KANK1: variants seen among roughly 807,000 people sequenced by gnomAD.
KANK1 encodes KN motif and ankyrin repeat domain-containing protein 1.
Under a neutral mutation model 106.2 loss-of-function variants are expected in KANK1, and 109 were observed. That is an observed-to-expected ratio of 1.03 (90% CI 0.88 to 1.20). The LOEUF (loss-of-function observed/expected upper bound fraction) is 1.20. KANK1 is among the 50% of genes most tolerant of loss of function. The probability of loss-of-function intolerance (pLI) is 0.00; values close to 1 mark genes in which losing one functional copy is unlikely to be tolerated. For missense variants in KANK1, 2,399 were observed against 1,710.7 expected (o/e 1.40, Z -7.10); for synonymous variants, 873 against 652.2 (o/e 1.34, Z -5.16).
intron 5 of KANK1, 26 bp from the exon 6 acceptor site, chr9:732,352 C>A (rs1832538006): frequency 6.3e-7 from 1 of 1,598,118 alleles, no homozygotes; most frequent in Non-Finnish European, 8.6e-7. Context: ...CACCTTGCAT[C>A]TCCTGAAATC....
intron 8 of KANK1, among the ~76,000 whole-genome samples, 167 bp downstream of exon 8, chr9:738,671 C>T (rs561035902): frequency 3.3e-5 from 5 of 152,292 alleles, no homozygotes; most frequent in African/African-American, 9.6e-5. Context: ...TCATAAGAGG[C>T]TTGAAGTTTA....
intron 1 of KANK1, among the ~76,000 whole-genome samples, chr9:516,841 T>C (rs1286176112): frequency 2.0e-5 from 3 of 151,666 alleles, no homozygotes; most frequent in African/African-American, 7.3e-5. Flanking sequence ...AGCAGCCCGC[T>C]GGGGGGTACC....
chr9:672,169 A>C (rs574045739), intron 1 of KANK1, among the ~76,000 whole-genome samples: 4 of 152,280 alleles, frequency 2.6e-5, no homozygotes, highest in Admixed American at 2.6e-4. Context: ...CTCAGCTTTA[A>C]ATGTCAGCAC....
chr9:479,850 C>G (rs2058172254), intron 3 of KANK1, among the ~76,000 whole-genome samples: 1 of 152,018 alleles, frequency 6.6e-6, no homozygotes, highest in Non-Finnish European at 1.5e-5. Flanking sequence ...ATTCTCCTGT[C>G]TCTACTTGCA....
intron 3 of KANK1, among the ~76,000 whole-genome samples, chr9:494,373 T>C (rs563961760): frequency 9.9e-5 from 15 of 152,216 alleles, no homozygotes; most frequent in Non-Finnish European, 2.1e-4. Context: ...ATTTCATGTA[T>C]ACCAATAGAG....
chr9:537,514 GC>G (rs2060362701), intron 1 of KANK1, among the ~76,000 whole-genome samples: 1 of 152,154 alleles, frequency 6.6e-6, no homozygotes, highest in Non-Finnish European at 1.5e-5. Flanking sequence ...ATTTGGGGGG[GC>G]TCTTTTTTTC....
At chr9:583,369 G>A (rs537259283) in intron 1 of KANK1, among the ~76,000 whole-genome samples, 15 of 152,278 alleles carry the variant, frequency 9.9e-5, no homozygotes, top group South Asian at 4.1e-4. Flanking sequence ...TCAGTAAGTA[G>A]CAGCAATTTT....
At chr9:585,268 A>G (rs1282384698) in intron 1 of KANK1, among the ~76,000 whole-genome samples, 1 of 152,192 alleles carries the variant, frequency 6.6e-6, no homozygotes, top group Non-Finnish European at 1.5e-5. Context: ...GCTGTGCATC[A>G]TCCTTGCTGC....
chr9:693,628 G>A (rs1820516600), intron 2 of KANK1: 4 of 985,308 alleles, frequency 4.1e-6, no homozygotes, highest in Non-Finnish European at 2.4e-6. Context: ...CAGGCTGTTA[G>A]TTCGTCAGGA....
chr9:534,065 G>A (rs9408615), intron 1 of KANK1, among the ~76,000 whole-genome samples: 3 of 151,868 alleles, frequency 2.0e-5, no homozygotes, highest in Non-Finnish European at 4.4e-5. Flanking sequence ...TGGGAGAAAG[G>A]GGGGGGCAGA....
At chr9:697,046 G>T (rs989335647) in intron 2 of KANK1, among the ~76,000 whole-genome samples, 1 of 152,000 alleles carries the variant, frequency 6.6e-6, no homozygotes, top group Non-Finnish European at 1.5e-5. Context: ...AGATTTCCCA[G>T]TGGTTAACAT....
chr9:562,034 T>C (rs1293538217), intron 1 of KANK1, among the ~76,000 whole-genome samples: 1 of 143,384 alleles, frequency 7.0e-6, no homozygotes, highest in Non-Finnish European at 1.5e-5. Flanking sequence ...GTAAGTAAAT[T>C]GCATTTTCTT....
chr9:743,817 G>A (rs533352108), intron 10 of KANK1, among the ~76,000 whole-genome samples: 9 of 152,284 alleles, frequency 5.9e-5, no homozygotes, highest in South Asian at 4.1e-4. Context: ...ATCTGTGATC[G>A]TGCCACTGCA....
chr9:667,000 A>ATT (rs34529109), intron 1 of KANK1, among the ~76,000 whole-genome samples: 1,701 of 138,010 alleles, frequency 0.012, 15 homozygotes, highest in Middle Eastern at 0.026. Context: ...TTCCTCTTCA[A>ATT]TTTTTTTTTT....
At chr9:622,901 C>CA (rs368967424) in intron 1 of KANK1, among the ~76,000 whole-genome samples, 36 of 149,278 alleles carry the variant, frequency 2.4e-4, no homozygotes, top group Admixed American at 4.7e-4. Flanking sequence ...GACTCCATCT[C>CA]AAAAAAAAAG....
upstream of KANK1, chr9:504,658 C>T (rs1302081621): frequency 1.3e-5 from 2 of 151,424 alleles, no homozygotes; most frequent in Non-Finnish European, 2.9e-5. Flanking sequence ...GCTTGCCAGC[C>T]GGGGCCGACT....
rs982203853 is a variant in KANK1, at chr9:707,149, G to C, written c.38-3655G>C. On this transcript the variant is annotated intron_variant, in intron 2 of 11. Coordinates refer to ENST00000382297, the MANE Select transcript of KANK1 (RefSeq NM_015158.5). ...CACGAATGTTGAAACTTCTCCTCAC[G>C]GGGTGAGGATCGAGGGCGCCCGAGG... 2.5e-5 allele frequency: 25 copies of C among 985,534 alleles called. No individual in the cohort carries two copies. In the South Asian group the frequency reaches 9.8e-4, roughly 39 times the overall value. 61.0% of individuals were successfully genotyped at this position (985,534 alleles called of 1,614,324 possible).
intron 1 of KANK1, among the ~76,000 whole-genome samples, chr9:593,261 GAAAATT>G (rs1169825981): frequency 5.9e-5 from 9 of 151,782 alleles, no homozygotes; most frequent in Admixed American, 2.6e-4. Context: ...TTTTAACTCT[GAAAATT>G]AAAATTAATG....
Position 744,520 on chromosome 9 carries a change from G to T in KANK1, c.3927G>T (p.Leu1309=). The change falls in exon 11 of 12, where the codon CTG becomes CTT. Residue 1309 remains leucine (L), a synonymous_variant. Coordinates refer to ENST00000382297, the MANE Select transcript of KANK1 (RefSeq NM_015158.5). ...NDGSTALSIA[L]EAGHKDIAVL... Reference sequence around the variant, plus strand: ...GCAGCACTGCGCTCTCAATCGCCCTGGAAGCAGGACACAAGGACATCGCTG... The same window carrying T: ...GCAGCACTGCGCTCTCAATCGCCCTTGAAGCAGGACACAAGGACATCGCTG... 1.2e-6 allele frequency: 2 copies of T among 1,614,148 alleles called. No homozygotes were observed. Among genetic ancestry groups the T allele is most frequent in the Non-Finnish European group, 1.7e-6 (2 of 1,180,014 alleles).
Sources: gnomAD v4.1 joint callset for allele counts (sites outside exome capture counted in the v4.1 genomes callset) on GRCh38, gnomAD v4.1.1 for gene constraint, MANE v1.5 for transcripts, NCBI Gene and HGNC (gene_info 2026-07-23, HGNC 2026-07-21) for gene names.